The following LRP8 variants were observed in gnomAD, a reference collection of about 807,000 sequenced individuals.
The protein encoded by LRP8 is low-density lipoprotein receptor-related protein 8.
LRP8 carries 46 observed loss-of-function variants against 111.6 expected under a neutral mutation model. The observed-to-expected ratio is 0.41, with a 90% CI of 0.33 to 0.53. The LOEUF (loss-of-function observed/expected upper bound fraction) is 0.53. Ranked by LOEUF, LRP8 falls within the 20% of genes least tolerant of loss-of-function variation. LRP8 has a pLI of 0.20. For synonymous variants in LRP8, 464 were observed against 511.2 expected, an observed-to-expected ratio of 0.91 and a Z score of 1.24; for missense variants, 959 against 1,297.4, an observed-to-expected ratio of 0.74 and a Z score of 4.01.
rs1168297032 is a variant in LRP8, at chr1:53,276,817, G to A, written c.758C>T (p.Thr253Met). ...ELCGRPGPGA[T>M]SAPAACATAS... ...GGTGGCGCAGGCGGCGGGCGCGGACGTGGCCCCGGGGCCCGGACGGCCGCA... is the reference window on the plus strand; with the variant it reads ...GGTGGCGCAGGCGGCGGGCGCGGACATGGCCCCGGGGCCCGGACGGCCGCA... Residue 253 changes from threonine to methionine, a missense_variant, in exon 5 of 19, where the codon ACG becomes ATG. Physicochemically the swap from Thr to Met is moderately conservative, Grantham distance 81. Transcript: ENST00000306052. 1 of 1,272,368 alleles carries A rather than the reference G, an allele frequency of 7.9e-7. No homozygotes were observed. The highest frequency in any genetic ancestry group is 9.9e-7 in the Non-Finnish European group (1 of 1,006,838). The allele number at this position is 1,272,368 out of a possible 1,614,324, so 78.8% of individuals were successfully genotyped here. A position where few individuals can be genotyped will look rare whatever the true frequency, so the allele number is the denominator to read the frequency against.
At chr1:53,309,228 C>T (rs1484789790) in intron 2 of LRP8, among the ~76,000 whole-genome samples, 1 of 152,064 alleles carries the variant, frequency 6.6e-6, no homozygotes, top group South Asian at 2.1e-4. Flanking sequence ...TGAGCCGAGA[C>T]CATGCCATTG....
chr1:53,318,931 C>T (rs1005823740), intron 2 of LRP8, among the ~76,000 whole-genome samples: 3 of 150,890 alleles, frequency 2.0e-5, no homozygotes, highest in Non-Finnish European at 4.4e-5. Flanking sequence ...GATCTCGGCT[C>T]ACTGCAACCT....
intron 6 of LRP8, 84 bp from the exon 7 acceptor site, chr1:53,271,430 G>A: frequency 6.6e-7 from 1 of 1,524,530 alleles, no homozygotes; most frequent in East Asian, 2.3e-5. Flanking sequence ...AGCAGAAGCA[G>A]AGCCTCAGGG....
intron 14 of LRP8, 49 bp downstream of exon 14, chr1:53,258,270 G>A (rs1646178890): frequency 6.3e-7 from 1 of 1,577,360 alleles, no homozygotes; most frequent in Non-Finnish European, 8.6e-7. Context: ...TTTCAGCAGG[G>A]TAGGGTCTGA....
At chr1:53,319,181 G>A (rs1401040035) in intron 2 of LRP8, among the ~76,000 whole-genome samples, 2 of 152,194 alleles carry the variant, frequency 1.3e-5, no homozygotes, top group Non-Finnish European at 2.9e-5. Context: ...ACACCTGTGA[G>A]GCACCAACTG....
chr1:53,309,839 C>A (rs1248838871), intron 2 of LRP8, among the ~76,000 whole-genome samples: 2 of 152,052 alleles, frequency 1.3e-5, no homozygotes, highest in Non-Finnish European at 1.5e-5. Context: ...GGCAGGCACA[C>A]CTTCATTTAT....
rs1226208247 is a variant in LRP8 at position 53,289,704 on chromosome 1, A to G, written c.245-15T>C. On this transcript the variant is annotated splice_polypyrimidine_tract_variant and intron_variant, in intron 2 of 18. Coordinates refer to ENST00000306052, the MANE Select transcript of LRP8 (RefSeq NM_004631.5). The stretch of plus-strand genomic sequence containing the variant: ...GGTCTTCTTGGCTGCAGGGCAAGGA[A>G]GAGAGCGTGGTGAGCCTGGGAGCAG... 6.2e-7 allele frequency: 1 copy of G among 1,613,276 alleles called. No individual in the cohort carries two copies. The highest frequency in any genetic ancestry group is 1.3e-5 in the African/African-American group (1 of 75,046).
At chr1:53,327,734 G>T in intron 1 of LRP8, 55 bp downstream of exon 1, 1 of 1,404,792 alleles carries the variant, frequency 7.1e-7, no homozygotes, top group Non-Finnish European at 9.3e-7. Flanking sequence ...TCCCGGCCGC[G>T]CTTTGTTGGT....
Position 53,262,658 on chromosome 1 carries a change from G to T in LRP8, c.1656-94C>A. The T allele has an allele frequency of 2.1e-6, 2 of 964,610 alleles. No individual in the cohort carries two copies. The highest frequency in any genetic ancestry group is 3.3e-6 in the Non-Finnish European group (2 of 601,552). 59.8% of individuals were successfully genotyped at this position (964,610 alleles called of 1,614,324 possible). A position where few individuals can be genotyped will look rare whatever the true frequency, so the allele number is the denominator to read the frequency against. On this transcript the variant is annotated intron_variant, in intron 10 of 18. Transcript: ENST00000306052. This position sits in a 1 kb window ranked among gnomAD's most constrained non-coding sequence, Gnocchi z 4.8. ...GCTCAATAACCCATTGACTAGTTGT[G>T]GTTTATGTTTAGTAGGGACTGAGAA... is the stretch of plus-strand genomic sequence containing the variant.
intron 6 of LRP8, chr1:53,274,906 G>A (rs1409828146): frequency 2.2e-6 from 1 of 450,238 alleles, no homozygotes; most frequent in Non-Finnish European, 4.5e-6. Flanking sequence ...GGCAAGCAGA[G>A]CTCCAGTTCC....
Position 53,262,391 on chromosome 1 carries a change from G to A in LRP8, c.1774+55C>T, listed in dbSNP as rs983894933. 1.3e-6 allele frequency: 2 copies of A among 1,557,190 alleles called. No homozygotes were observed. Among genetic ancestry groups the A allele is most frequent in the African/African-American group, 1.4e-5 (1 of 73,824 alleles). The stretch of plus-strand genomic sequence containing the variant: ...AACAAGACTCATGGAGTTCCAGACA[G>A]TGATCAGGACAAGGCACTAGAATAG... On this transcript the variant is annotated intron_variant, in intron 11 of 18. Coordinates refer to ENST00000306052, the MANE Select transcript of LRP8 (RefSeq NM_004631.5). This position sits in a 1 kb window ranked among gnomAD's most constrained non-coding sequence, Gnocchi z 4.8.
intron 2 of LRP8, among the ~76,000 whole-genome samples, chr1:53,319,048 AAGTGAGTTTTAGCTCC>A (rs1446721028): frequency 6.6e-6 from 1 of 152,218 alleles, no homozygotes; most frequent in Non-Finnish European, 1.5e-5. Context: ...AAATCAGTTG[AAGTGAGTTTTAGCTCC>A]AGAACTACCA....
chr1:53,303,274 C>G lies in LRP8; in HGVS notation c.245-13585G>C, dbSNP rs1651323425. 1.3e-5 allele frequency among the ~76,000 whole-genome samples: 2 copies of G among 152,208 alleles called. No homozygotes were observed. The highest frequency in any genetic ancestry group is 2.9e-5 in the Non-Finnish European group (2 of 68,026). ...GGGCATGGCTTAGCTGGAAAAGCAT[C>G]TGGGTCCAGTGAGGTGGTGGGGAGC... On this transcript the variant is annotated intron_variant, in intron 2 of 18. Coordinates refer to ENST00000306052, the MANE Select transcript of LRP8 (RefSeq NM_004631.5). This position sits in a 1 kb window ranked among gnomAD's most constrained non-coding sequence, Gnocchi z 4.3.
At position 53,264,295 on chromosome 1, in the gene LRP8, T is replaced by C; in HGVS notation, c.1529A>G (p.His510Arg). Residue 510 changes from histidine to arginine, a missense_variant, in exon 10 of 19, where the codon CAC (histidine) becomes CGC (arginine). This residue lies in a region of LRP8 where 819 missense variants were observed against 1,097.6 expected (regional missense o/e 0.75). Coordinates refer to ENST00000306052, the MANE Select transcript of LRP8 (RefSeq NM_004631.5). ...ATTGCCCGAGTCAGTCCAGTAGATG[T>C]GCTTGTGGACCCAGTCCACTGCCAG... ...EGLAVDWVHKHIYWTDSGNKT... is the reference protein window; with the variant it reads ...EGLAVDWVHKRIYWTDSGNKT... 3 of 1,614,156 alleles carry C rather than the reference T, an allele frequency of 1.9e-6. No individual in the cohort carries two copies. Among genetic ancestry groups the C allele is most frequent in the Non-Finnish European group, 2.5e-6 (3 of 1,180,016 alleles).
chr1:53,327,969 G>C lies in LRP8; in HGVS notation c.-57C>G. The C allele has an allele frequency of 9.8e-7, 1 of 1,022,052 alleles. No homozygotes were observed. 63.3% of individuals were successfully genotyped at this position (1,022,052 alleles called of 1,614,324 possible). On this transcript the variant is annotated 5_prime_UTR_variant, in exon 1 of 19. Coordinates refer to ENST00000306052, the MANE Select transcript of LRP8 (RefSeq NM_004631.5). Reference sequence around the variant, plus strand: ...GCGCTCCCCGCGCCGCCGCCGCCGCGTCTCAGCCCTCCGAGTCCTTGCCGC... The same window carrying C: ...GCGCTCCCCGCGCCGCCGCCGCCGCCTCTCAGCCCTCCGAGTCCTTGCCGC...
intron 2 of LRP8, chr1:53,305,283 G>A (rs1014112656): frequency 2.6e-5 from 4 of 152,196 alleles, no homozygotes; most frequent in Admixed American, 2.0e-4. Context: ...GGTAGATCCT[G>A]ACTCGGAGGG....
intron 6 of LRP8, chr1:53,272,610 GCCT>G: frequency 7.8e-7 from 1 of 1,289,816 alleles, no homozygotes; most frequent in South Asian, 1.2e-5. Flanking sequence ...TTACCCCTGG[GCCT>G]CCTCCTGTTT....
chr1:53,257,974 G>T, intron 14 of LRP8: 1 of 213,786 alleles, frequency 4.7e-6, no homozygotes. Flanking sequence ...AGTTCTAGGT[G>T]AGAAACAGGC....
chr1:53,259,984 T>A (rs1025123826), intron 13 of LRP8, among the ~76,000 whole-genome samples: 44 of 152,200 alleles, frequency 2.9e-4, no homozygotes, highest in African/African-American at 1.0e-3. Context: ...AGTAGTAGGA[T>A]TCCTAGATTC....
Sources: allele counts gnomAD v4.1 joint callset (sites outside exome capture counted in the v4.1 genomes callset), GRCh38; gene constraint gnomAD v4.1.1; regional missense constraint gnomAD v4.1.1; non-coding constraint Gnocchi (gnomAD v3.1); transcripts MANE v1.5; gene names NCBI Gene and HGNC (gene_info 2026-07-23, HGNC 2026-07-21).